Variants in DPP10 observed in about 807,000 individuals in gnomAD.
The protein encoded by DPP10 is inactive dipeptidyl peptidase 10.
Under a neutral mutation model 120.9 loss-of-function variants are expected in DPP10, and 33 were observed. The ratio of observed to expected loss-of-function variants is 0.27; its 90% CI spans 0.21 to 0.37. The LOEUF (loss-of-function observed/expected upper bound fraction) is 0.37, where lower values mean the gene tolerates loss of function less well. Ranked by LOEUF, DPP10 falls within the 10% of genes least tolerant of loss-of-function variation. The pLI is 1.00. For synonymous variants in DPP10, 337 were observed against 326.1 expected (o/e 1.03, Z -0.36); for missense variants, 816 against 942.8 (o/e 0.87, Z 1.76).
At chr2:115,007,009 A>G (rs1701898329) in intron 1 of DPP10, among the ~76,000 whole-genome samples, 1 of 152,076 alleles carries the variant, frequency 6.6e-6, no homozygotes, top group Admixed American at 6.6e-5. Context: ...AGAAATTATA[A>G]CAAACTATCT....
intron 1 of DPP10, among the ~76,000 whole-genome samples, chr2:115,033,389 C>A (rs1244753107): frequency 6.6e-6 from 1 of 152,118 alleles, no homozygotes; most frequent in Non-Finnish European, 1.5e-5. Flanking sequence ...TGTCCCTTTG[C>A]TTTCTCCATC....
At chr2:115,379,488 C>A (rs181281883) in intron 3 of DPP10, among the ~76,000 whole-genome samples, 1,675 of 152,006 alleles carry the variant, frequency 0.011, 27 homozygotes, top group African/African-American at 0.039. Flanking sequence ...TTTTGTTGAT[C>A]CTTTCAAAAA....
At chr2:115,203,645 A>G (rs2055904092) in intron 1 of DPP10, among the ~76,000 whole-genome samples, 1 of 152,024 alleles carries the variant, frequency 6.6e-6, no homozygotes, top group Non-Finnish European at 1.5e-5. Flanking sequence ...ACACCCCCAC[A>G]CCCAGACATA....
chr2:115,325,698 TAAC>T (rs1397457702), intron 2 of DPP10, among the ~76,000 whole-genome samples: 5 of 152,038 alleles, frequency 3.3e-5, no homozygotes, highest in South Asian at 2.1e-4. Flanking sequence ...TAAATATAAA[TAAC>T]AAAATGAAAA....
intron 1 of DPP10, among the ~76,000 whole-genome samples, chr2:115,287,148 C>T (rs2060437492): frequency 6.6e-6 from 1 of 151,840 alleles, no homozygotes; most frequent in East Asian, 1.9e-4. Context: ...ATGGAGAATT[C>T]CTTTCAGTGT....
intron 1 of DPP10, among the ~76,000 whole-genome samples, chr2:115,235,752 G>T (rs968329084): frequency 2.0e-5 from 3 of 152,096 alleles, no homozygotes; most frequent in African/African-American, 7.2e-5. Context: ...GCAGAGATGG[G>T]ATTTCACCAT....
At chr2:114,898,000 G>A (rs1413733766) in intron 1 of DPP10, among the ~76,000 whole-genome samples, 8 of 152,208 alleles carry the variant, frequency 5.3e-5, no homozygotes, top group South Asian at 2.1e-4. Context: ...GTTACTGGGT[G>A]TATACCCAAA....
At chr2:115,444,978 C>T (rs375566110) in intron 3 of DPP10, among the ~76,000 whole-genome samples, 3 of 152,064 alleles carry the variant, frequency 2.0e-5, no homozygotes, top group African/African-American at 7.2e-5. Context: ...AAGGGAGGCA[C>T]CTAGTGGGAG....
chr2:114,504,535 C>T (rs576177844), intron 1 of DPP10, among the ~76,000 whole-genome samples: 1 of 150,678 alleles, frequency 6.6e-6, no homozygotes, highest in Non-Finnish European at 1.5e-5. Context: ...AGAGTACCCA[C>T]CCCACCCTCT....
intron 19 of DPP10, among the ~76,000 whole-genome samples, chr2:115,798,090 A>G (rs114274503): frequency 0.011 from 1,703 of 152,060 alleles, 20 homozygotes; most frequent in South Asian, 0.028. Flanking sequence ...CATATGAATG[A>G]TATGGGCTTA....
At chr2:115,009,229 C>A (rs1263561450) in intron 1 of DPP10, among the ~76,000 whole-genome samples, 4 of 150,556 alleles carry the variant, frequency 2.7e-5, no homozygotes, top group Non-Finnish European at 5.9e-5. Flanking sequence ...CACATATACA[C>A]CATGGAATAC....
intron 1 of DPP10, among the ~76,000 whole-genome samples, chr2:114,531,107 A>C (rs1685938648): frequency 6.6e-6 from 1 of 152,150 alleles, no homozygotes; most frequent in South Asian, 2.1e-4. Flanking sequence ...TGCACCCTAG[A>C]CTGGAATGTC....
chr2:115,612,251 A>C lies in DPP10; in HGVS notation c.442-77436A>C, dbSNP rs148274144. 3.3e-4 allele frequency among the ~76,000 whole-genome samples: 51 copies of C among 152,306 alleles called. No homozygotes were observed. The East Asian group carries it at 9.1e-3, about 27-fold the overall frequency. On this transcript the variant is annotated intron_variant, in intron 5 of 25. Coordinates refer to ENST00000410059, the MANE Select transcript of DPP10 (RefSeq NM_020868.6). ...AGGAAGCATGAAATTTTCCAAAAAG[A>C]ATCTATGAGCATTTGGTGGCTATTT...
intron 1 of DPP10, among the ~76,000 whole-genome samples, chr2:114,878,682 T>C (rs1242604498): frequency 2.0e-5 from 3 of 152,048 alleles, no homozygotes; most frequent in African/African-American, 2.4e-5. Flanking sequence ...GAACATGAGC[T>C]ATCCATCCTT....
chr2:114,969,533 A>T (rs746509733), intron 1 of DPP10, among the ~76,000 whole-genome samples: 15 of 152,234 alleles, frequency 9.9e-5, no homozygotes, highest in Non-Finnish European at 1.9e-4. Context: ...ACAAAATTAT[A>T]AACCCCTTGG....
chr2:114,748,362 T>TTTATTTTATTTATTTA (rs1200399708), intron 1 of DPP10, among the ~76,000 whole-genome samples: 2 of 124,738 alleles, frequency 1.6e-5, no homozygotes, highest in African/African-American at 6.7e-5. Context: ...TTTTTTTTTA[T>TTTATTTTATTTATTTA]TTTATTTATT....
At position 115,251,527 on chromosome 2, in the gene DPP10, G is replaced by T. The variant is rs1457591372; in HGVS notation, c.61-57712G>T. Among the ~76,000 whole-genome samples the T allele has an allele frequency of 2.0e-5, 3 of 152,054 alleles. No homozygotes were observed. The East Asian group carries it at 5.8e-4, about 29-fold the overall frequency. ...TTAGCTCTAAGTCTCTTCAACCCCTGTCTATAGGACCTACGTAAAGGGCAA... is the reference window on the plus strand; with the variant it reads ...TTAGCTCTAAGTCTCTTCAACCCCTTTCTATAGGACCTACGTAAAGGGCAA... On this transcript the variant is annotated intron_variant, in intron 1 of 25. Transcript: ENST00000410059.
At chr2:115,077,871 G>A (rs1707931324) in intron 1 of DPP10, among the ~76,000 whole-genome samples, 1 of 152,182 alleles carries the variant, frequency 6.6e-6, no homozygotes, top group Non-Finnish European at 1.5e-5. Context: ...ACTGGCAGAG[G>A]TTTAATGTTC....
chr2:115,117,752 A>T (rs971047454), intron 1 of DPP10, among the ~76,000 whole-genome samples: 21 of 152,230 alleles, frequency 1.4e-4, no homozygotes, highest in African/African-American at 4.3e-4. Flanking sequence ...TCTTCTTGAA[A>T]ATAATTACGA....
Sources: gnomAD v4.1 joint callset for allele counts (sites outside exome capture counted in the v4.1 genomes callset) on GRCh38, gnomAD v4.1.1 for gene constraint, MANE v1.5 for transcripts, NCBI Gene and HGNC (gene_info 2026-07-23, HGNC 2026-07-21) for gene names.